GPC6: variants seen among roughly 807,000 people sequenced by gnomAD.
GPC6 encodes glypican-6.
A neutral mutation model predicts 55.2 loss-of-function variants in GPC6; 14 were observed. The ratio of observed to expected loss-of-function variants is 0.25; its 90% CI spans 0.17 to 0.40. The LOEUF is 0.40. Among genes scored for constraint, GPC6 ranks in the 10% least tolerant of loss-of-function variants. The pLI, the probability that GPC6 is intolerant of heterozygous loss-of-function variation, is 1.00. For synonymous variants in GPC6, 278 were observed against 259.6 expected, an observed-to-expected ratio of 1.07 and a Z score of -0.68; for missense variants, 641 against 708.5, an observed-to-expected ratio of 0.90 and a Z score of 1.08.
At chr13:94,082,893 A>C (rs2138799021) in intron 4 of GPC6, among the ~76,000 whole-genome samples, 1 of 152,316 alleles carries the variant, frequency 6.6e-6, no homozygotes, top group Admixed American at 6.5e-5. Flanking sequence ...ATTCTGGGCC[A>C]GTCTGTCCAC....
At chr13:93,852,850 G>C (rs979078772) in intron 3 of GPC6, among the ~76,000 whole-genome samples, 8 of 151,530 alleles carry the variant, frequency 5.3e-5, no homozygotes, top group African/African-American at 1.9e-4. Flanking sequence ...TCTCTTATTG[G>C]CTAGTATCAT....
chr13:93,283,749 G>C (rs1878026046), intron 1 of GPC6, among the ~76,000 whole-genome samples: 2 of 152,190 alleles, frequency 1.3e-5, no homozygotes, highest in African/African-American at 4.8e-5. Flanking sequence ...CATTTAACTT[G>C]AGACCTTATA....
At chr13:93,802,078 TTTA>T (rs1886391007) in intron 2 of GPC6, among the ~76,000 whole-genome samples, 1 of 152,152 alleles carries the variant, frequency 6.6e-6, no homozygotes, top group South Asian at 2.1e-4. Context: ...TCCCAGTAGT[TTTA>T]TTTTTACTTT....
At chr13:93,539,269 T>C (rs1373458822) in intron 1 of GPC6, among the ~76,000 whole-genome samples, 1 of 152,214 alleles carries the variant, frequency 6.6e-6, no homozygotes, top group Non-Finnish European at 1.5e-5. Context: ...ACCATGCTTC[T>C]CAGTGGGATG....
At chr13:93,964,362 G>A (rs1879924321) in intron 3 of GPC6, among the ~76,000 whole-genome samples, 7 of 152,116 alleles carry the variant, frequency 4.6e-5, no homozygotes. Context: ...GTAAAAAAAG[G>A]CCGTAAAAGG....
chr13:93,450,750 A>G (rs1306989441), intron 1 of GPC6: 4 of 950,220 alleles, frequency 4.2e-6, no homozygotes, highest in Non-Finnish European at 5.0e-6. Flanking sequence ...GTTTAAGGTA[A>G]GGATGAACCT....
At chr13:94,267,003 AT>A (rs1187521728) in intron 4 of GPC6, among the ~76,000 whole-genome samples, 5 of 152,166 alleles carry the variant, frequency 3.3e-5, no homozygotes, top group African/African-American at 1.2e-4. Flanking sequence ...TGAGCATTAT[AT>A]TTTTTATAAA....
Position 93,977,919 on chromosome 13 carries a change from T to C in GPC6, c.712-49810T>C, listed in dbSNP as rs1023286853. 2.6e-5 allele frequency among the ~76,000 whole-genome samples: 4 copies of C among 152,146 alleles called. No homozygotes were observed. In the East Asian group the frequency reaches 7.7e-4, roughly 29 times the overall value. On this transcript the variant is annotated intron_variant, in intron 3 of 8. Coordinates refer to ENST00000377047, the MANE Select transcript of GPC6 (RefSeq NM_005708.5). ...GGTAATTAGTGAAATAGAAGGAAAG[T>C]AAAGAATGCAGAGCTTTGATTACTG...
intron 4 of GPC6, among the ~76,000 whole-genome samples, chr13:94,206,092 G>T (rs1177615699): frequency 6.6e-6 from 1 of 152,142 alleles, no homozygotes; most frequent in Non-Finnish European, 1.5e-5. Context: ...CCTAGAGTTT[G>T]TCAAGAACAT....
intron 4 of GPC6, among the ~76,000 whole-genome samples, chr13:94,170,731 G>A (rs2138928799): frequency 6.6e-6 from 1 of 152,310 alleles, no homozygotes; most frequent in South Asian, 2.1e-4. Context: ...GAAGAGAATG[G>A]GAATAAAGCC....
Position 93,534,699 on chromosome 13 carries a change from C to T in GPC6, c.161-10564C>T, listed in dbSNP as rs75044072. ...GGAAAATATCTTGTGAAGAGCAACA[C>T]GTAAGTTGAAAGAGGCATGCAGAGT... is the stretch of plus-strand genomic sequence containing the variant. On this transcript the variant is annotated intron_variant, in intron 1 of 8. Transcript: ENST00000377047. Among the ~76,000 whole-genome samples the T allele has an allele frequency of 7.9e-3, 1,203 of 152,266 alleles. 20 individuals carry two copies. The highest frequency in any genetic ancestry group is 0.027 in the African/African-American group (1,130 of 41,546).
intron 1 of GPC6, among the ~76,000 whole-genome samples, chr13:93,488,000 A>G (rs1157659010): frequency 1.3e-5 from 2 of 152,184 alleles, no homozygotes; most frequent in African/African-American, 4.8e-5. Context: ...TTTAAGTTCT[A>G]GGGTACATGT....
At chr13:94,078,506 C>A in intron 4 of GPC6, among the ~76,000 whole-genome samples, 1 of 151,396 alleles carries the variant, frequency 6.6e-6, no homozygotes, top group East Asian at 1.9e-4. Context: ...TAAGAAAAGG[C>A]AGACTAAGAT....
chr13:94,245,503 G>C, intron 4 of GPC6, among the ~76,000 whole-genome samples: 1 of 152,070 alleles, frequency 6.6e-6, no homozygotes, highest in Non-Finnish European at 1.5e-5. Flanking sequence ...CCAGGAGTTA[G>C]AGGTGGCAGT....
At chr13:94,090,180 G>C (rs1854399) in intron 4 of GPC6, among the ~76,000 whole-genome samples, 120,575 of 151,788 alleles carry the variant, frequency 0.79, 48,206 homozygotes, top group South Asian at 0.88. Context: ...TTACATAGTG[G>C]CAGGCAAGAG....
At chr13:93,399,410 C>A (rs1026330507) in intron 1 of GPC6, among the ~76,000 whole-genome samples, 2 of 152,174 alleles carry the variant, frequency 1.3e-5, no homozygotes, top group African/African-American at 4.8e-5. Flanking sequence ...CAGTGCCTAG[C>A]ATATGGCAAG....
intron 2 of GPC6, among the ~76,000 whole-genome samples, chr13:93,658,868 A>G (rs1388634313): frequency 6.6e-6 from 1 of 151,876 alleles, no homozygotes; most frequent in Non-Finnish European, 1.5e-5. Context: ...AGATTTCAGT[A>G]TCAGCATTAT....
chr13:93,603,880 A>G (rs556275237), intron 2 of GPC6, among the ~76,000 whole-genome samples: 86 of 152,360 alleles, frequency 5.6e-4, no homozygotes, highest in Non-Finnish European at 9.7e-4. Flanking sequence ...ACATTTATCT[A>G]TGTACTCTGA....
At position 93,601,521 on chromosome 13, in the gene GPC6, G is replaced by A. The variant is rs12430154; in HGVS notation, c.319+56100G>A. Among the ~76,000 whole-genome samples the A allele has an allele frequency of 7.1e-3, 1,079 of 152,254 alleles. 63 individuals carry two copies. The highest frequency in any genetic ancestry group is 0.059 in the Admixed American group (901 of 15,300). ...TCTGTATATTCTAATAACAGGAAAAGCATTCAGTTATTATCCCTTCTTTCT... is the reference window on the plus strand; with the variant it reads ...TCTGTATATTCTAATAACAGGAAAAACATTCAGTTATTATCCCTTCTTTCT... On this transcript the variant is annotated intron_variant, in intron 2 of 8. Coordinates refer to ENST00000377047, the MANE Select transcript of GPC6 (RefSeq NM_005708.5).
Sources: gnomAD v4.1 joint callset for allele counts (sites outside exome capture counted in the v4.1 genomes callset) on GRCh38, gnomAD v4.1.1 for gene constraint, MANE v1.5 for transcripts, NCBI Gene and HGNC (gene_info 2026-07-23, HGNC 2026-07-21) for gene names.